Variants in NAALADL2 observed in about 807,000 individuals in gnomAD.
NAALADL2 encodes N-acetylated alpha-linked acidic dipeptidase like 2, also known as inactive N-acetylated-alpha-linked acidic dipeptidase-like protein 2.
Under a neutral mutation model 87.2 loss-of-function variants are expected in NAALADL2, and 76 were observed. That is an observed-to-expected ratio of 0.87 (90% confidence interval 0.72 to 1.05). The LOEUF is 1.05. Ranked by LOEUF, NAALADL2 falls within the 50% of genes least tolerant of loss-of-function variation. NAALADL2 has a pLI of 0.00. For missense variants in NAALADL2, 1,089 were observed against 945.8 expected, an observed-to-expected ratio of 1.15 and a Z score of -1.99; for synonymous variants, 354 against 331.0, an observed-to-expected ratio of 1.07 and a Z score of -0.75.
chr3:175,562,433 A>T (rs976022940), intron 9 of NAALADL2, among the ~76,000 whole-genome samples: 1 of 152,000 alleles, frequency 6.6e-6, no homozygotes, highest in Non-Finnish European at 1.5e-5. Context: ...ACATATTTTT[A>T]AATGTTAGAT....
chr3:175,304,477 A>G (rs1214352623), intron 4 of NAALADL2, among the ~76,000 whole-genome samples: 10 of 152,160 alleles, frequency 6.6e-5, no homozygotes, highest in Admixed American at 5.2e-4. Flanking sequence ...TATAATTGAG[A>G]CAAAATGACA....
At chr3:174,727,111 T>C (rs1378669591) in intron 2 of NAALADL2, among the ~76,000 whole-genome samples, 2 of 152,088 alleles carry the variant, frequency 1.3e-5, no homozygotes, top group Non-Finnish European at 2.9e-5. Flanking sequence ...AATATTTCTT[T>C]GGCTTTATTC....
intron 3 of NAALADL2, among the ~76,000 whole-genome samples, chr3:174,828,046 G>T (rs986625073): frequency 2.6e-5 from 4 of 152,128 alleles, no homozygotes; most frequent in African/African-American, 9.7e-5. Context: ...GCCAGGCATG[G>T]TGGCTCATAC....
chr3:174,576,815 A>G (rs766452906), intron 2 of NAALADL2, among the ~76,000 whole-genome samples: 6 of 152,152 alleles, frequency 3.9e-5, no homozygotes, highest in Non-Finnish European at 8.8e-5. Flanking sequence ...TTATGTTCTC[A>G]TTTCATTGGT....
chr3:174,501,093 T>TGGGAAATA, intron 1 of NAALADL2, among the ~76,000 whole-genome samples: 6 of 141,422 alleles, frequency 4.2e-5, no homozygotes, highest in African/African-American at 1.5e-4. Flanking sequence ...TTTTTTTTTT[T>TGGGAAATA]TTTGAGACGG....
intron 10 of NAALADL2, among the ~76,000 whole-genome samples, chr3:175,615,972 TTATAA>T (rs897404642): frequency 2.7e-4 from 40 of 147,430 alleles, no homozygotes; most frequent in East Asian, 9.8e-4. Context: ...AGCATGTTAC[TTATAA>T]TATATATTAT....
intron 4 of NAALADL2, among the ~76,000 whole-genome samples, chr3:175,292,891 G>A (rs1755821579): frequency 6.6e-6 from 1 of 151,828 alleles, no homozygotes; most frequent in Middle Eastern, 3.4e-3. Context: ...CAAAAAATAA[G>A]CCGGGCTTGG....
intron 1 of NAALADL2, among the ~76,000 whole-genome samples, chr3:175,026,264 A>C (rs1419573793): frequency 6.6e-6 from 1 of 152,026 alleles, no homozygotes; most frequent in Non-Finnish European, 1.5e-5. Context: ...TTTTCGTGTA[A>C]TCTCATGCAC....
intron 2 of NAALADL2, among the ~76,000 whole-genome samples, chr3:174,730,203 T>C (rs1732570322): frequency 1.3e-5 from 2 of 152,266 alleles, no homozygotes; most frequent in South Asian, 4.1e-4. Flanking sequence ...GGGTGAAACA[T>C]TTTTATCTTT....
chr3:175,080,371 A>G (rs982023111), intron 1 of NAALADL2, among the ~76,000 whole-genome samples: 26 of 152,348 alleles, frequency 1.7e-4, no homozygotes, highest in African/African-American at 5.5e-4. Flanking sequence ...ACTGCAAATT[A>G]TGCAATGAAA....
rs190249081 is a variant in NAALADL2, at chr3:175,370,523, A to C, written c.1090+46198A>C. On this transcript the variant is annotated intron_variant, in intron 5 of 13. Coordinates refer to ENST00000454872, the MANE Select transcript of NAALADL2 (RefSeq NM_207015.3). ...ATGGGGGGGGGAGGGATTTTATAAAAATAGCTTTATTCATTTGCATGTTAA... is the reference window on the plus strand; with the variant it reads ...ATGGGGGGGGGAGGGATTTTATAAACATAGCTTTATTCATTTGCATGTTAA... Among the ~76,000 whole-genome samples, 45 of 152,268 alleles carry C rather than the reference A, an allele frequency of 3.0e-4. No individual in the cohort carries two copies. In the East Asian group the frequency reaches 7.9e-3, roughly 27 times the overall value.
At chr3:175,335,011 A>G (rs1301444707) in intron 5 of NAALADL2, among the ~76,000 whole-genome samples, 1 of 152,038 alleles carries the variant, frequency 6.6e-6, no homozygotes, top group Non-Finnish European at 1.5e-5. Context: ...AACCCTGAAA[A>G]TCTTAACAGT....
intron 5 of NAALADL2, among the ~76,000 whole-genome samples, chr3:175,410,584 A>C (rs371334876): frequency 2.2e-5 from 3 of 138,708 alleles, no homozygotes; most frequent in Non-Finnish European, 4.6e-5. Context: ...GCTCTTACAG[A>C]GCTTCTAGTC....
chr3:175,467,082 GA>G lies in NAALADL2; in HGVS notation c.1432del (p.Met478CysfsTer54). ...AIITAFIRALMSKVKRGWRPD... is the reference protein window; with the variant it reads ...AIITAFIRALXSKVKRGWRPD... ...TAATCACAGCGTTTATCCGTGCCTT[GA>G]TGTCAAAAGTTAAGAGAGGGTGGAG... On this transcript the variant is annotated frameshift_variant, in exon 8 of 14. Coordinates refer to ENST00000454872, the MANE Select transcript of NAALADL2 (RefSeq NM_207015.3). LOFTEE classifies it high-confidence loss of function. 6.2e-7 allele frequency: 1 copy of G among 1,613,866 alleles called. No homozygotes were observed. The highest frequency in any genetic ancestry group is 8.5e-7 in the Non-Finnish European group (1 of 1,179,814).
At chr3:175,503,822 G>T (rs959955230) in intron 9 of NAALADL2, among the ~76,000 whole-genome samples, 1 of 152,122 alleles carries the variant, frequency 6.6e-6, no homozygotes, top group East Asian at 1.9e-4. Context: ...ATAGATTCTG[G>T]ATATGAGACC....
rs561380571 is a variant in NAALADL2 at position 174,596,951 on chromosome 3, C to A, written c.-115+46314C>A. Among the ~76,000 whole-genome samples the A allele has an allele frequency of 1.1e-4, 17 of 152,270 alleles. No individual in the cohort carries two copies. In the Middle Eastern group the frequency reaches 0.01, roughly 91 times the overall value. On this transcript the variant is annotated intron_variant, in intron 2 of 3. Transcript: ENST00000434257. ...TAACCATTAACTTCTATTGGGCTCT[C>A]ATCCTTTTTATGATTTCTCTAGTTC...
chr3:174,888,139 A>AT (rs1411775235), intron 1 of NAALADL2, among the ~76,000 whole-genome samples: 1 of 152,214 alleles, frequency 6.6e-6, no homozygotes, highest in Admixed American at 6.5e-5. Flanking sequence ...AGCAGAGAAA[A>AT]TTGCAGCAAG....
At chr3:174,697,323 A>G (rs1218598258) in intron 2 of NAALADL2, among the ~76,000 whole-genome samples, 3 of 152,232 alleles carry the variant, frequency 2.0e-5, no homozygotes, top group Non-Finnish European at 4.4e-5. Context: ...TGTATACAAC[A>G]TAAAAGGCAT....
intron 5 of NAALADL2, among the ~76,000 whole-genome samples, chr3:175,427,798 G>A (rs1047412306): frequency 2.8e-5 from 2 of 72,494 alleles, no homozygotes; most frequent in African/African-American, 7.0e-5. Flanking sequence ...ATACAATAAA[G>A]TAATTCAATT....
Sources: allele counts gnomAD v4.1 joint callset (sites outside exome capture counted in the v4.1 genomes callset), GRCh38; gene constraint gnomAD v4.1.1; transcripts MANE v1.5; gene names NCBI Gene and HGNC (gene_info 2026-07-23, HGNC 2026-07-21).